Variants in MYBL2 observed in about 807,000 individuals in gnomAD.
MYBL2 encodes the protein myb-related protein B.
MYBL2 carries 28 observed loss-of-function variants against 79.9 expected under a neutral mutation model. The ratio of observed to expected loss-of-function variants is 0.35; its 90% CI spans 0.26 to 0.48. The LOEUF (loss-of-function observed/expected upper bound fraction) is 0.48, where lower values mean the gene tolerates loss of function less well. Ranked by LOEUF, MYBL2 falls within the 20% of genes least tolerant of loss-of-function variation. The probability of loss-of-function intolerance (pLI) is 0.99; values close to 1 mark genes in which losing one functional copy is unlikely to be tolerated. For synonymous variants in MYBL2, 378 were observed against 361.2 expected (o/e 1.05, Z -0.53); for missense variants, 735 against 893.9 (o/e 0.82, Z 2.27).
chr20:43,711,461 C>A, intron 10 of MYBL2, 27 bp from the exon 11 acceptor site: 2 of 1,578,274 alleles, frequency 1.3e-6, no homozygotes, highest in Non-Finnish European at 1.7e-6. Flanking sequence ...TGGTGCCTCA[C>A]GTGGGCTGCC....
chr20:43,678,449 T>A (rs1288051619), intron 2 of MYBL2, among the ~76,000 whole-genome samples: 1 of 152,196 alleles, frequency 6.6e-6, no homozygotes, highest in Non-Finnish European at 1.5e-5. Flanking sequence ...GCTTGGTTTT[T>A]GGATTGTTTT....
At chr20:43,713,213 G>A in intron 12 of MYBL2, 107 bp downstream of exon 12, 1 of 595,886 alleles carries the variant, frequency 1.7e-6, no homozygotes, top group Non-Finnish European at 2.9e-6. Context: ...GCTCTGCAGG[G>A]AGGGGCTATC....
chr20:43,712,900 C>A, intron 11 of MYBL2, 102 bp from the exon 12 acceptor site: 1 of 861,886 alleles, frequency 1.2e-6, no homozygotes, highest in Admixed American at 2.1e-5. Context: ...TGCACTGCAG[C>A]AGGGCCTGGT....
At chr20:43,710,779 G>A (rs2145734826) in intron 10 of MYBL2, among the ~76,000 whole-genome samples, 1 of 152,298 alleles carries the variant, frequency 6.6e-6, no homozygotes, top group Admixed American at 6.5e-5. Context: ...GAGTCAAGCA[G>A]ACTTTCCACG....
chr20:43,667,605 A>T (rs1411995203), intron 1 of MYBL2, among the ~76,000 whole-genome samples: 1 of 151,968 alleles, frequency 6.6e-6, no homozygotes, highest in Non-Finnish European at 1.5e-5. Context: ...CTCCCGCCTA[A>T]TTGCGGGATG....
intron 7 of MYBL2, among the ~76,000 whole-genome samples, chr20:43,701,253 G>A (rs1033795724): frequency 5.3e-5 from 8 of 151,974 alleles, no homozygotes; most frequent in Admixed American, 1.3e-4. Flanking sequence ...CCTCTGCTCC[G>A]TCCACTTCAG....
chr20:43,706,719 G>GTTTTGTTTTTTTT (rs1987791605), intron 9 of MYBL2, among the ~76,000 whole-genome samples: 7 of 70,778 alleles, frequency 9.9e-5, no homozygotes, highest in African/African-American at 4.2e-4. Flanking sequence ...AAAAAAAAAA[G>GTTTTGTTTTTTTT]TTTTTTTTTT....
Position 43,681,873 on chromosome 20 carries a change from G to A in MYBL2, c.186+18G>A, listed in dbSNP as rs759804589. ...ACTTCCCTGTGAGTACAGTCCTGCT[G>A]TGGCCCTCCCTCGGGGCAAGGGCTC... On this transcript the variant is annotated intron_variant, in intron 3 of 13. Transcript: ENST00000217026. The A allele has an allele frequency of 6.8e-6, 11 of 1,613,608 alleles. No individual in the cohort carries two copies. In the South Asian group the frequency reaches 1.2e-4, roughly 18 times the overall value.
Position 43,711,233 on chromosome 20 carries a change from G to T in MYBL2, c.1606-255G>T, listed in dbSNP as rs539847999. On this transcript the variant is annotated intron_variant, in intron 10 of 13. Coordinates refer to ENST00000217026, the MANE Select transcript of MYBL2 (RefSeq NM_002466.4). ...CTTAAAATGACGGTTACTGCACAGG[G>T]CTGTGTGAGGGTTACAGTGCGTCTC... Among the ~76,000 whole-genome samples the T allele has an allele frequency of 1.3e-3, 195 of 152,336 alleles. 4 individuals are homozygous for T. In the Middle Eastern group the frequency reaches 0.017, roughly 13 times the overall value.
intron 5 of MYBL2, among the ~76,000 whole-genome samples, chr20:43,688,552 GGCTCATT>G (rs1375098760): frequency 6.6e-6 from 1 of 151,998 alleles, no homozygotes; most frequent in Non-Finnish European, 1.5e-5. Context: ...GCATAATCAT[GGCTCATT>G]GCAGCTTCAC....
intron 8 of MYBL2, among the ~76,000 whole-genome samples, chr20:43,704,011 G>A (rs1419348580): frequency 6.6e-6 from 1 of 152,084 alleles, no homozygotes; most frequent in African/African-American, 2.4e-5. Context: ...CCACTCTAAT[G>A]ACTTTATTTT....
intron 2 of MYBL2, among the ~76,000 whole-genome samples, chr20:43,677,930 A>G (rs1460783418): frequency 2.0e-5 from 3 of 152,190 alleles, no homozygotes; most frequent in Non-Finnish European, 2.9e-5. Context: ...AGAGGTAGAC[A>G]TGGGAGACTT....
chr20:43,711,139 G>A (rs1413672705), intron 10 of MYBL2, among the ~76,000 whole-genome samples: 3 of 152,138 alleles, frequency 2.0e-5, no homozygotes, highest in South Asian at 2.1e-4. Flanking sequence ...TTGAGCTGTC[G>A]GGGTCCTAAT....
At chr20:43,681,353 A>G (rs1987138177) in intron 2 of MYBL2, among the ~76,000 whole-genome samples, 1 of 152,118 alleles carries the variant, frequency 6.6e-6, no homozygotes, top group Non-Finnish European at 1.5e-5. Flanking sequence ...CACTCTTCAA[A>G]CACATCAGTG....
At chr20:43,690,003 A>T (rs1001867208) in intron 5 of MYBL2, among the ~76,000 whole-genome samples, 55 of 151,986 alleles carry the variant, frequency 3.6e-4, no homozygotes, top group African/African-American at 1.3e-3. Flanking sequence ...AGGAGTGGAG[A>T]AAAGAAGGGA....
At chr20:43,686,394 A>G (rs554203928) in intron 4 of MYBL2, among the ~76,000 whole-genome samples, 6 of 152,174 alleles carry the variant, frequency 3.9e-5, no homozygotes, top group Admixed American at 3.9e-4. Flanking sequence ...CCCAATTTCC[A>G]TGGAAGTGCT....
intron 2 of MYBL2, among the ~76,000 whole-genome samples, chr20:43,680,739 C>T (rs574272948): frequency 1.0e-3 from 158 of 152,196 alleles, no homozygotes; most frequent in African/African-American, 3.4e-3. Context: ...GTGATCTGCC[C>T]ACCACGGCCT....
At chr20:43,702,363 A>G in intron 7 of MYBL2, 127 bp from the exon 8 acceptor site, 1 of 1,059,534 alleles carries the variant, frequency 9.4e-7, no homozygotes, top group East Asian at 2.4e-5. Flanking sequence ...GAGGAAATGC[A>G]TGAAATATTA....
At chr20:43,711,344 G>A (rs921593256) in intron 10 of MYBL2, 144 bp from the exon 11 acceptor site, 86 of 615,470 alleles carry the variant, frequency 1.4e-4, no homozygotes, top group African/African-American at 1.4e-3. Flanking sequence ...TGTGAATGGT[G>A]CGTGTGAGAT....
Sources: allele counts gnomAD v4.1 joint callset (sites outside exome capture counted in the v4.1 genomes callset), GRCh38; gene constraint gnomAD v4.1.1; transcripts MANE v1.5; gene names NCBI Gene and HGNC (gene_info 2026-07-23, HGNC 2026-07-21).